Variants in HNRNPA3 observed in about 807,000 individuals in gnomAD.
HNRNPA3 encodes epididymis secretory sperm binding protein.
HNRNPA3 carries 3 observed loss-of-function variants against 45.8 expected under a neutral mutation model. The ratio of observed to expected loss-of-function variants is 0.07; its 90% CI spans 0.03 to 0.17. The LOEUF is 0.17. Among genes scored for constraint, HNRNPA3 ranks in the 10% least tolerant of loss-of-function variants. The probability of loss-of-function intolerance (pLI) is 1.00; values close to 1 mark genes in which losing one functional copy is unlikely to be tolerated. For missense variants in HNRNPA3, 183 were observed against 480.3 expected (o/e 0.38, Z 5.79); for synonymous variants, 170 against 155.6 (o/e 1.09, Z -0.69).
intron 8 of HNRNPA3, among the ~76,000 whole-genome samples, chr2:177,218,528 C>T (rs993998696): frequency 4.6e-5 from 7 of 152,100 alleles, no homozygotes; most frequent in Non-Finnish European, 7.4e-5. Context: ...ATACTCCAGA[C>T]GTGTTGAAGT....
intron 1 of HNRNPA3, among the ~76,000 whole-genome samples, chr2:177,215,227 T>C (rs956934712): frequency 6.6e-6 from 1 of 152,122 alleles, no homozygotes; most frequent in African/African-American, 2.4e-5. Context: ...CTCGAGTAGC[T>C]GGGATTACAG....
chr2:177,219,910 A>C (rs1238406791), exon 11 of HNRNPA3: 3 of 152,660 alleles, frequency 2.0e-5, no homozygotes, highest in Non-Finnish European at 4.4e-5. Context: ...AATTTTGCTA[A>C]AGTTAACTGT....
At chr2:177,222,968 A>T (rs1478135733), downstream of HNRNPA3, 2 of 152,632 alleles carry the variant, frequency 1.3e-5, no homozygotes, top group African/African-American at 4.8e-5. Context: ...ATTTTCCCAA[A>T]GAACACTGAA....
downstream of HNRNPA3, chr2:177,223,394 C>G (rs1365910544): frequency 1.3e-5 from 2 of 149,338 alleles, no homozygotes; most frequent in Non-Finnish European, 3.0e-5. Context: ...GTTGTAGCAG[C>G]AGTAAAAAAA....
chr2:177,222,396 A>G (rs1170804575), downstream of HNRNPA3: 7 of 152,166 alleles, frequency 4.6e-5, no homozygotes, highest in African/African-American at 1.7e-4. Flanking sequence ...GGTAAACTCA[A>G]TTTTTGGTAA....
chr2:177,217,605 C>G, intron 7 of HNRNPA3, 100 bp from the exon 8 acceptor site: 2 of 1,452,532 alleles, frequency 1.4e-6, no homozygotes, highest in Non-Finnish European at 1.9e-6. Flanking sequence ...TGAGCCCGGG[C>G]AACAGAGCAA....
chr2:177,218,958 A>G (rs1689076960), intron 8 of HNRNPA3, 79 bp from the exon 9 acceptor site: 2 of 1,544,438 alleles, frequency 1.3e-6, no homozygotes, highest in Admixed American at 3.7e-5. Flanking sequence ...TAATTCTCAA[A>G]AGATAATAGT....
exon 1 of HNRNPA3, chr2:177,212,845 C>G: frequency 6.5e-7 from 1 of 1,543,180 alleles, no homozygotes; most frequent in Non-Finnish European, 8.7e-7. Context: ...CGACTCCGGC[C>G]GTCGCCGTCG....
intron 1 of HNRNPA3, among the ~76,000 whole-genome samples, chr2:177,213,256 C>T (rs1157462104): frequency 6.6e-6 from 1 of 152,122 alleles, no homozygotes; most frequent in African/African-American, 2.4e-5. Flanking sequence ...AAGCGGGCGG[C>T]GGCCACATTG....
chr2:177,216,708 C>G (rs1558969655), exon 6 of HNRNPA3: 1 of 1,613,968 alleles, frequency 6.2e-7, no homozygotes, highest in Admixed American at 1.7e-5. Flanking sequence ...TTTTATGGGT[C>G]GCGGAGGGAA....
chr2:177,215,856 A>G, exon 3 of HNRNPA3: 1 of 1,605,028 alleles, frequency 6.2e-7, no homozygotes, highest in Non-Finnish European at 8.5e-7. Context: ...CACAAGGTTG[A>G]TGGGCGTGTA....
chr2:177,215,444 T>G (rs1688891731), intron 1 of HNRNPA3, 95 bp from the exon 2 acceptor site: 19 of 1,233,000 alleles, frequency 1.5e-5, no homozygotes, highest in Non-Finnish European at 2.3e-6. Flanking sequence ...AGGAATTTGA[T>G]GTTGATTTTA....
chr2:177,221,786 T>C (rs985306853), downstream of HNRNPA3: 10 of 152,668 alleles, frequency 6.6e-5, no homozygotes, highest in Admixed American at 2.0e-4. Flanking sequence ...TACAGAGAAG[T>C]GAAGGCATAA....
intron 8 of HNRNPA3, among the ~76,000 whole-genome samples, 186 bp from the exon 9 acceptor site, chr2:177,218,851 G>A (rs1689073983): frequency 6.6e-6 from 1 of 152,198 alleles, no homozygotes; most frequent in South Asian, 2.1e-4. Context: ...CTAGAGGACA[G>A]CATTTAATAT....
At chr2:177,221,598 CAG>C (rs1252289182), downstream of HNRNPA3, 3 of 152,570 alleles carry the variant, frequency 2.0e-5, no homozygotes, top group Non-Finnish European at 4.4e-5. Flanking sequence ...CTCTTGTGAA[CAG>C]TGTGGAAAAG....
At chr2:177,219,005 G>A (rs541128647) in intron 8 of HNRNPA3, 32 bp from the exon 9 acceptor site, 1 of 1,608,236 alleles carries the variant, frequency 6.2e-7, no homozygotes, top group African/African-American at 1.3e-5. Context: ...GATTGTGTAG[G>A]TAAACCACAC....
At chr2:177,213,299 C>A (rs962660226) in intron 1 of HNRNPA3, among the ~76,000 whole-genome samples, 1 of 152,354 alleles carries the variant, frequency 6.6e-6, no homozygotes, top group South Asian at 2.1e-4. Context: ...CGAAATGGCG[C>A]ATTGGCCCGC....
rs1400842747 is a variant in HNRNPA3, at chr2:177,212,889, G to A, written c.72+18G>A. On this transcript the variant is annotated intron_variant, in intron 1 of 10. Transcript: ENST00000392524. ...GGGAGGAGGTATTAGGGGGAGAGCG[G>A]GGGGTTGGTGGGGAATGGCCGGCGT... is the stretch of plus-strand genomic sequence containing the variant. 2 of 1,422,094 alleles carry A rather than the reference G, an allele frequency of 1.4e-6. No homozygotes were observed. The highest frequency in any genetic ancestry group is 1.9e-6 in the Non-Finnish European group (2 of 1,058,818). The allele number at this position is 1,422,094 out of a possible 1,614,324, so 88.1% of individuals were successfully genotyped here.
chr2:177,216,447 G>A (rs1217773524), intron 4 of HNRNPA3, 56 bp from the exon 5 acceptor site: 2 of 1,300,508 alleles, frequency 1.5e-6, no homozygotes, highest in East Asian at 2.3e-5. Flanking sequence ...TCTCATATAT[G>A]TGCTTTTCCA....
Sources: allele counts gnomAD v4.1 joint callset (sites outside exome capture counted in the v4.1 genomes callset), GRCh38; gene constraint gnomAD v4.1.1; transcripts MANE v1.5; gene names NCBI Gene and HGNC (gene_info 2026-07-23, HGNC 2026-07-21).